The following SCML2 variants were observed in gnomAD, a reference collection of about 807,000 sequenced individuals.
SCML2 encodes the protein sex comb on midleg-like protein 2.
A neutral mutation model predicts 48.4 loss-of-function variants in SCML2; 6 were observed. The ratio of observed to expected loss-of-function variants is 0.12; its 90% CI spans 0.07 to 0.24. The LOEUF is 0.24. SCML2 is among the 10% of genes least tolerant of loss of function. SCML2 has a pLI of 1.00. For missense variants in SCML2, 377 were observed against 528.2 expected, an observed-to-expected ratio of 0.71 and a Z score of 2.81; for synonymous variants, 181 against 189.5, an observed-to-expected ratio of 0.95 and a Z score of 0.37.
chrX:18,322,425 T>C (rs1442239781), intron 5 of SCML2, among the ~76,000 whole-genome samples: 3 of 111,688 alleles, frequency 2.7e-5, no homozygotes, highest in Admixed American at 1.9e-4. Flanking sequence ...AAAATCCAAA[T>C]AGGGAAGCAC....
chrX:18,267,958 A>G (rs1415018214), intron 7 of SCML2, among the ~76,000 whole-genome samples: 3 of 111,807 alleles, frequency 2.7e-5, no homozygotes, highest in Non-Finnish European at 5.6e-5. Context: ...AAAAATTCTT[A>G]GCTTATAAGC....
intron 6 of SCML2, among the ~76,000 whole-genome samples, chrX:18,309,760 C>T (rs992661870): frequency 2.7e-5 from 3 of 111,177 alleles, no homozygotes; most frequent in Non-Finnish European, 5.7e-5. Flanking sequence ...ACACCAGGGC[C>T]TACTTGAGTT....
intron 3 of SCML2, among the ~76,000 whole-genome samples, chrX:18,330,261 G>A (rs957041600): frequency 1.8e-5 from 2 of 111,268 alleles, no homozygotes; most frequent in Non-Finnish European, 3.8e-5. Flanking sequence ...TGACTGTAAC[G>A]TTAGAAGGGT....
intron 13 of SCML2, among the ~76,000 whole-genome samples, chrX:18,246,131 G>A (rs1165902291): frequency 8.9e-6 from 1 of 112,162 alleles, no homozygotes; most frequent in African/African-American, 3.2e-5. Context: ...TGTGGAGAGT[G>A]AGGAAATGGT....
At chrX:18,354,756 C>T (rs941003356), upstream of SCML2, 5 of 192,397 alleles carry the variant, frequency 2.6e-5, no homozygotes, top group African/African-American at 1.5e-4. Context: ...GCCCGCGTGC[C>T]CTGCGGTTGC....
At chrX:18,316,282 G>A (rs1214659615) in intron 6 of SCML2, among the ~76,000 whole-genome samples, 1 of 111,595 alleles carries the variant, frequency 9.0e-6, no homozygotes, top group East Asian at 2.8e-4. Flanking sequence ...CCAGCTACTC[G>A]GGAGGCTGAG....
intron 3 of SCML2, 25 bp downstream of exon 3, chrX:18,330,562 T>C: frequency 1.0e-6 from 1 of 952,866 alleles, no homozygotes; most frequent in Non-Finnish European, 1.5e-6. Context: ...AAAACTATGC[T>C]GTATTAAATT....
chrX:18,330,543 G>C (rs771090086), intron 3 of SCML2, 44 bp downstream of exon 3: 2 of 807,868 alleles, frequency 2.5e-6, no homozygotes, highest in Non-Finnish European at 3.5e-6. Flanking sequence ...TTTAACACTA[G>C]TGAGGAAGAA....
chrX:18,310,260 C>CTTTTTTTTTTTT (rs773391164), intron 6 of SCML2, among the ~76,000 whole-genome samples: 1 of 62,368 alleles, frequency 1.6e-5, no homozygotes, highest in Non-Finnish European at 2.8e-5. Context: ...AACCACCTCC[C>CTTTTTTTTTTTT]TTTTTTTTTT....
At chrX:18,280,282 G>A (rs1236803512) in intron 7 of SCML2, among the ~76,000 whole-genome samples, 1 of 111,399 alleles carries the variant, frequency 9.0e-6, no homozygotes, top group Admixed American at 9.6e-5. Context: ...ACATGAGGGA[G>A]AAATAAAATC....
intron 7 of SCML2, among the ~76,000 whole-genome samples, chrX:18,279,337 G>A (rs768837603): frequency 8.9e-6 from 1 of 112,635 alleles, no homozygotes; most frequent in African/African-American, 3.2e-5. Context: ...CCTGCACAGG[G>A]CACTGGCCCC....
intron 1 of SCML2, among the ~76,000 whole-genome samples, chrX:18,349,264 G>C (rs1930296870): frequency 8.9e-6 from 1 of 112,160 alleles, no homozygotes; most frequent in Non-Finnish European, 1.9e-5. Context: ...GGAAGAGGCA[G>C]AGCCATAGCC....
intron 11 of SCML2, among the ~76,000 whole-genome samples, chrX:18,252,850 G>T (rs781657522): frequency 8.9e-6 from 1 of 112,365 alleles, no homozygotes; most frequent in East Asian, 2.8e-4. Context: ...CTCAAACTCA[G>T]CTGGTTTTCC....
intron 12 of SCML2, 23 bp downstream of exon 12, chrX:18,247,746 T>C: frequency 9.5e-7 from 1 of 1,048,604 alleles, no homozygotes; most frequent in South Asian, 1.9e-5. Flanking sequence ...TTCCCAGTCC[T>C]GGGAGGTGTA....
chrX:18,343,773 AAAAAAAG>A (rs1930100834), intron 1 of SCML2, among the ~76,000 whole-genome samples: 1 of 105,549 alleles, frequency 9.5e-6, no homozygotes, highest in Non-Finnish European at 1.9e-5. Flanking sequence ...AAAAAAAAAA[AAAAAAAG>A]AAAAAGAAAA....
rs1478025506 is a variant in SCML2 at position 18,341,256 on chromosome X, A to G, written c.-24-7161T>C. 8.8e-6 allele frequency: 6 copies of G among 683,386 alleles called. No homozygotes were observed. In the East Asian group the frequency reaches 2.5e-4, roughly 29 times the overall value. The allele number at this position is 683,386 out of a possible 1,213,427, so 56.3% of individuals were successfully genotyped here. On this transcript the variant is annotated intron_variant, in intron 1 of 14. Transcript: ENST00000251900. ...GACATAGGGGAAATCGCCAGCTTCAATAAGGCCAAGCTGAAGAAAACAGAG... is the reference window on the plus strand; with the variant it reads ...GACATAGGGGAAATCGCCAGCTTCAGTAAGGCCAAGCTGAAGAAAACAGAG...
chrX:18,261,919 T>C (rs1927078873), intron 8 of SCML2, among the ~76,000 whole-genome samples: 1 of 110,377 alleles, frequency 9.1e-6, no homozygotes, highest in Admixed American at 9.5e-5. Context: ...TCTGCCTGAT[T>C]TTTTTCAATG....
chrX:18,354,440 A>C (rs4332264), intron 1 of SCML2, among the ~76,000 whole-genome samples, 152 bp downstream of exon 1: 1 of 111,129 alleles, frequency 9.0e-6, no homozygotes, highest in Admixed American at 9.4e-5. Context: ...GCGAAGCCGA[A>C]CTGAGATGGG....
intron 1 of SCML2, among the ~76,000 whole-genome samples, chrX:18,336,218 A>G (rs1929807269): frequency 9.5e-6 from 1 of 105,031 alleles, no homozygotes; most frequent in Admixed American, 1.0e-4. Context: ...GCCGAGGCAG[A>G]TCATGAAGTC....
Sources: allele counts gnomAD v4.1 joint callset (sites outside exome capture counted in the v4.1 genomes callset), GRCh38; gene constraint gnomAD v4.1.1; transcripts MANE v1.5; gene names NCBI Gene and HGNC (gene_info 2026-07-23, HGNC 2026-07-21).